Variants in CSMD3 observed in about 807,000 individuals in gnomAD.
The protein encoded by CSMD3 is CUB and Sushi multiple domains 3, also known as CUB and sushi domain-containing protein 3.
In CSMD3, 177 loss-of-function variants were observed where a neutral mutation model predicts 435.2. That is an observed-to-expected ratio of 0.41 (90% CI 0.36 to 0.46). CSMD3 has a LOEUF of 0.46. CSMD3 is among the 20% of genes least tolerant of loss of function. The pLI, the probability that CSMD3 is intolerant of heterozygous loss-of-function variation, is 0.34. For missense variants in CSMD3, 4,265 were observed against 4,504.6 expected (o/e 0.95, Z 1.52); for synonymous variants, 1,656 against 1,520.5 (o/e 1.09, Z -2.07).
chr8:112,878,800 G>C (rs1484935253), intron 10 of CSMD3, among the ~76,000 whole-genome samples: 1 of 152,036 alleles, frequency 6.6e-6, no homozygotes, highest in Non-Finnish European at 1.5e-5. Context: ...CGAATGGAGG[G>C]ACCTGCTGAA....
At chr8:112,952,455 A>C (rs1042735882) in intron 8 of CSMD3, among the ~76,000 whole-genome samples, 2 of 151,614 alleles carry the variant, frequency 1.3e-5, no homozygotes, top group Non-Finnish European at 3.0e-5. Context: ...ATTTTGTCCT[A>C]GGTTGAATAA....
intron 5 of CSMD3, among the ~76,000 whole-genome samples, chr8:113,090,726 A>C (rs2089974373): frequency 1.3e-5 from 2 of 152,140 alleles, no homozygotes; most frequent in Admixed American, 1.3e-4. Flanking sequence ...CATATAAGTT[A>C]ACAAGCCTGC....
intron 1 of CSMD3, among the ~76,000 whole-genome samples, chr8:113,346,283 T>C (rs2094150781): frequency 6.6e-6 from 1 of 152,052 alleles, no homozygotes; most frequent in Non-Finnish European, 1.5e-5. Context: ...ATATATTAAC[T>C]TTCTGAGTTT....
chr8:112,353,185 G>T, intron 38 of CSMD3, among the ~76,000 whole-genome samples: 1 of 152,134 alleles, frequency 6.6e-6, no homozygotes. Flanking sequence ...GTGGTCAGGA[G>T]TTTGAGACCA....
intron 1 of CSMD3, among the ~76,000 whole-genome samples, chr8:113,373,891 A>C (rs956963448): frequency 2.6e-5 from 4 of 152,106 alleles, no homozygotes; most frequent in African/African-American, 9.6e-5. Flanking sequence ...TTTATATCTC[A>C]ATTTCAGTAA....
At chr8:113,258,609 C>A (rs1205121224) in intron 3 of CSMD3, among the ~76,000 whole-genome samples, 1 of 151,970 alleles carries the variant, frequency 6.6e-6, no homozygotes, top group Non-Finnish European at 1.5e-5. Context: ...TATATTATTG[C>A]TATATTATGT....
intron 32 of CSMD3, among the ~76,000 whole-genome samples, chr8:112,420,544 T>C (rs756266058): frequency 5.9e-5 from 9 of 152,188 alleles, no homozygotes; most frequent in Non-Finnish European, 1.0e-4. Context: ...ATTCGATTGA[T>C]GTGTTGCTAA....
intron 22 of CSMD3, among the ~76,000 whole-genome samples, chr8:112,597,470 C>T (rs1831846699): frequency 7.8e-6 from 1 of 128,302 alleles, no homozygotes; most frequent in Non-Finnish European, 1.6e-5. Context: ...CCTTCTGAAA[C>T]TATTCCAATC....
intron 13 of CSMD3, among the ~76,000 whole-genome samples, chr8:112,767,224 A>G (rs2078001728): frequency 6.6e-6 from 1 of 151,910 alleles, no homozygotes; most frequent in Non-Finnish European, 1.5e-5. Context: ...TTACAGAAAA[A>G]TGCCTCAGAA....
At chr8:112,649,237 C>A (rs1292447256) in intron 19 of CSMD3, among the ~76,000 whole-genome samples, 1 of 152,164 alleles carries the variant, frequency 6.6e-6, no homozygotes, top group Non-Finnish European at 1.5e-5. Context: ...AACAGTTGAA[C>A]AACAGCTTCT....
intron 13 of CSMD3, among the ~76,000 whole-genome samples, chr8:112,745,065 T>C (rs2132072906): frequency 6.6e-6 from 1 of 152,212 alleles, no homozygotes; most frequent in Non-Finnish European, 1.5e-5. Context: ...ATGATACAGG[T>C]AAGCGTGGTC....
chr8:112,261,740 T>A (rs908773458), intron 61 of CSMD3, among the ~76,000 whole-genome samples: 1 of 152,008 alleles, frequency 6.6e-6, no homozygotes, highest in Non-Finnish European at 1.5e-5. Context: ...CCAACTAGTT[T>A]TGCAAGTGGC....
At chr8:112,405,450 T>G (rs920784698) in intron 35 of CSMD3, among the ~76,000 whole-genome samples, 1 of 150,984 alleles carries the variant, frequency 6.6e-6, no homozygotes, top group Non-Finnish European at 1.5e-5. Flanking sequence ...TTCCCTACTT[T>G]CTATATTTTC....
intron 30 of CSMD3, among the ~76,000 whole-genome samples, chr8:112,502,308 A>T (rs1380318466): frequency 6.6e-6 from 1 of 152,174 alleles, no homozygotes; most frequent in African/African-American, 2.4e-5. Context: ...CAACACCCCA[A>T]ACCTCACTGT....
intron 37 of CSMD3, among the ~76,000 whole-genome samples, chr8:112,382,465 GTGA>G (rs1829561537): frequency 6.6e-6 from 1 of 151,742 alleles, no homozygotes; most frequent in Admixed American, 6.6e-5. Flanking sequence ...TTCCTCATTG[GTGA>G]TGATAAGTAA....
At chr8:112,755,499 A>C (rs1196264746) in intron 13 of CSMD3, among the ~76,000 whole-genome samples, 1 of 151,442 alleles carries the variant, frequency 6.6e-6, no homozygotes, top group Non-Finnish European at 1.5e-5. Context: ...AAGAAGGACA[A>C]GTTTGCTTCC....
At chr8:113,097,443 C>T (rs1248462723) in intron 5 of CSMD3, among the ~76,000 whole-genome samples, 4 of 151,942 alleles carry the variant, frequency 2.6e-5, no homozygotes, top group African/African-American at 9.7e-5. Context: ...CAAATGACTC[C>T]TTCGGTTTTC....
chr8:112,633,428 T>C (rs2074572076), intron 22 of CSMD3, among the ~76,000 whole-genome samples: 1 of 152,142 alleles, frequency 6.6e-6, no homozygotes, highest in South Asian at 2.1e-4. Context: ...TTGAGTATTT[T>C]TATAGACATC....
At chr8:112,586,771 A>T (rs1830762208) in intron 23 of CSMD3, among the ~76,000 whole-genome samples, 1 of 151,370 alleles carries the variant, frequency 6.6e-6, no homozygotes, top group South Asian at 2.1e-4. Flanking sequence ...ATTAGACAAG[A>T]TATTTGACAT....
Sources: gnomAD v4.1 joint callset for allele counts (sites outside exome capture counted in the v4.1 genomes callset) on GRCh38, gnomAD v4.1.1 for gene constraint, MANE v1.5 for transcripts, NCBI Gene and HGNC (gene_info 2026-07-23, HGNC 2026-07-21) for gene names.